SNTG2: variants seen among roughly 807,000 people sequenced by gnomAD.
SNTG2 encodes the protein gamma-2-syntrophin.
A neutral mutation model predicts 70.9 loss-of-function variants in SNTG2; 74 were observed. That is an observed-to-expected ratio of 1.04 (90% CI 0.86 to 1.27). SNTG2 has a LOEUF of 1.27. Among genes scored for constraint, SNTG2 ranks in the 50% most tolerant of loss-of-function variants. The pLI is 0.00. For missense variants in SNTG2, 717 were observed against 690.7 expected (o/e 1.04, Z -0.43); for synonymous variants, 278 against 273.8 (o/e 1.02, Z -0.15).
At chr2:985,209 C>T (rs1661264774) in intron 1 of SNTG2, among the ~76,000 whole-genome samples, 1 of 152,126 alleles carries the variant, frequency 6.6e-6, no homozygotes, top group African/African-American at 2.4e-5. Context: ...AGAGCTTTTC[C>T]TGCTGAATTT....
chr2:959,084 CTT>C (rs1043537981), intron 1 of SNTG2, among the ~76,000 whole-genome samples: 11 of 152,046 alleles, frequency 7.2e-5, no homozygotes, highest in Non-Finnish European at 5.9e-5. Context: ...ATGTATAACA[CTT>C]ATATAAGGTT....
At chr2:1,242,110 A>G (rs1454635546) in intron 11 of SNTG2, among the ~76,000 whole-genome samples, 1 of 152,188 alleles carries the variant, frequency 6.6e-6, no homozygotes, top group Non-Finnish European at 1.5e-5. Flanking sequence ...GATGATGAAG[A>G]ACTAGCCCTG....
intron 14 of SNTG2, among the ~76,000 whole-genome samples, chr2:1,304,836 A>G (rs890095748): frequency 6.6e-6 from 1 of 151,824 alleles, no homozygotes; most frequent in African/African-American, 2.4e-5. Flanking sequence ...GGTTTCTGTA[A>G]ATATTGATTG....
At chr2:1,302,489 A>G (rs1485017573) in intron 14 of SNTG2, among the ~76,000 whole-genome samples, 1 of 151,872 alleles carries the variant, frequency 6.6e-6, no homozygotes, top group Non-Finnish European at 1.5e-5. Flanking sequence ...AGCAATTTCT[A>G]AAAAGGCCAT....
chr2:1,139,407 G>GT (rs1334648849), intron 6 of SNTG2, among the ~76,000 whole-genome samples: 12 of 151,926 alleles, frequency 7.9e-5, no homozygotes, highest in African/African-American at 1.9e-4. Flanking sequence ...AATTTTTGTA[G>GT]TTTTTTTTAG....
At chr2:1,118,579 C>CAG (rs1667185451) in intron 4 of SNTG2, among the ~76,000 whole-genome samples, 1 of 151,648 alleles carries the variant, frequency 6.6e-6, no homozygotes, top group Non-Finnish European at 1.5e-5. Flanking sequence ...AGGAACCAGA[C>CAG]AGAAATCTCA....
chr2:1,273,455 A>G (rs917960360), intron 14 of SNTG2, among the ~76,000 whole-genome samples: 7 of 152,132 alleles, frequency 4.6e-5, no homozygotes, highest in Admixed American at 4.6e-4. Flanking sequence ...GTGATTCATT[A>G]ATGCCTTTAC....
chr2:1,289,801 A>G (rs1262128707), intron 14 of SNTG2, among the ~76,000 whole-genome samples: 4 of 151,926 alleles, frequency 2.6e-5, no homozygotes, highest in Non-Finnish European at 4.4e-5. Context: ...CCGTGCTCCA[A>G]CCCCAGCCCA....
In SNTG2 at chr2:1,151,102, G is replaced by T. The variant is rs544613647; in HGVS notation, c.411+13293G>T. ...TATAGAATATATGGTATGACGAACA[G>T]TGGAAAGTATCAGTGAAAGTGCATG... On this transcript the variant is annotated intron_variant, in intron 6 of 16. Transcript: ENST00000308624. Among the ~76,000 whole-genome samples the T allele has an allele frequency of 1.4e-4, 21 of 152,340 alleles. No individual in the cohort carries two copies. In the South Asian group the frequency reaches 4.1e-3, roughly 30 times the overall value.
chr2:1,198,497 A>G (rs1673069909), intron 8 of SNTG2, among the ~76,000 whole-genome samples: 1 of 152,004 alleles, frequency 6.6e-6, no homozygotes, highest in Admixed American at 6.5e-5. Context: ...ACAACCTTAT[A>G]GTTAGCCTAA....
chr2:1,349,389 T>A (rs1660462417), intron 16 of SNTG2, among the ~76,000 whole-genome samples: 1 of 152,214 alleles, frequency 6.6e-6, no homozygotes, highest in Admixed American at 6.5e-5. Context: ...TAAGAAACAA[T>A]GACTAGTTAT....
chr2:1,267,313 TG>T, intron 13 of SNTG2, 51 bp from the exon 14 acceptor site: 3 of 1,513,570 alleles, frequency 2.0e-6, no homozygotes, highest in Non-Finnish European at 2.7e-6. Flanking sequence ...GCCCTCAGCA[TG>T]GGAATGACCT....
intron 9 of SNTG2, chr2:1,219,968 GAA>G (rs1674643696): frequency 6.6e-6 from 1 of 152,214 alleles, no homozygotes; most frequent in South Asian, 2.1e-4. Flanking sequence ...AGCAGATTTT[GAA>G]AAGTGATACT....
At chr2:1,084,518 G>A (rs1476904633) in intron 2 of SNTG2, among the ~76,000 whole-genome samples, 1 of 152,142 alleles carries the variant, frequency 6.6e-6, no homozygotes, top group Non-Finnish European at 1.5e-5. Flanking sequence ...GAAGGCTCTG[G>A]GATGGGGGCA....
At chr2:1,307,111 G>GT in intron 14 of SNTG2, among the ~76,000 whole-genome samples, 1 of 149,612 alleles carries the variant, frequency 6.7e-6, no homozygotes, top group Non-Finnish European at 1.5e-5. Context: ...GTGTGTGTGT[G>GT]GTGTGTGAGC....
In SNTG2 at chr2:1,316,079, G is replaced by A. The variant is rs1466906922; in HGVS notation, c.1378-186G>A. ...GGCGGGAGAGTTGAGTGGGCTGGAG[G>A]AGGTCAGTTTGCAAAGATTGAAGAA... On this transcript the variant is annotated intron_variant, in intron 15 of 16. Transcript: ENST00000308624. 4.6e-5 allele frequency among the ~76,000 whole-genome samples: 7 copies of A among 152,298 alleles called. No homozygotes were observed. The East Asian group carries it at 1.4e-3, about 29-fold the overall frequency.
At chr2:1,201,042 G>A (rs1221324478) in intron 8 of SNTG2, among the ~76,000 whole-genome samples, 2 of 151,910 alleles carry the variant, frequency 1.3e-5, no homozygotes, top group Non-Finnish European at 2.9e-5. Flanking sequence ...AATCCCACTA[G>A]TGGGTATTTA....
At chr2:1,113,429 A>G (rs1010073486) in intron 4 of SNTG2, among the ~76,000 whole-genome samples, 1 of 149,894 alleles carries the variant, frequency 6.7e-6, no homozygotes, top group African/African-American at 2.5e-5. Context: ...TATGAGAACC[A>G]TGTGTACTAA....
chr2:1,365,513 C>G (rs1661429328), intron 16 of SNTG2, among the ~76,000 whole-genome samples: 1 of 152,194 alleles, frequency 6.6e-6, no homozygotes, highest in Non-Finnish European at 1.5e-5. Flanking sequence ...CAATGTCCCC[C>G]AGTGTTCTTT....
Sources: allele counts gnomAD v4.1 joint callset (sites outside exome capture counted in the v4.1 genomes callset), GRCh38; gene constraint gnomAD v4.1.1; transcripts MANE v1.5; gene names NCBI Gene and HGNC (gene_info 2026-07-23, HGNC 2026-07-21).